SPHKAP: variants seen among roughly 807,000 people sequenced by gnomAD.
The protein encoded by SPHKAP is A-kinase anchor protein SPHKAP.
In SPHKAP, 67 loss-of-function variants were observed where a neutral mutation model predicts 137.5. The ratio of observed to expected loss-of-function variants is 0.49; its 90% CI spans 0.40 to 0.60. SPHKAP has a LOEUF of 0.60. Ranked by LOEUF, SPHKAP falls within the 20% of genes least tolerant of loss-of-function variation. SPHKAP has a pLI of 0.00. For synonymous variants in SPHKAP, 813 were observed against 785.3 expected (o/e 1.04, Z -0.59); for missense variants, 2,097 against 2,069.3 (o/e 1.01, Z -0.26).
At position 228,050,160 on chromosome 2, in the gene SPHKAP, G is replaced by A. The variant is rs569838336; in HGVS notation, c.247-22617C>T. On this transcript the variant is annotated intron_variant, in intron 3 of 11. Coordinates refer to ENST00000392056, the MANE Select transcript of SPHKAP (RefSeq NM_001142644.2). ...ATGAGATACCATCTCACATCAGTCA[G>A]AATAGCTATTATTAAAAGGCCAAAA... Among the ~76,000 whole-genome samples the A allele has an allele frequency of 2.2e-4, 34 of 152,254 alleles. No homozygotes were observed. The South Asian group carries it at 6.8e-3, about 31-fold the overall frequency.
chr2:228,034,017 A>T (rs1435144986), intron 3 of SPHKAP, among the ~76,000 whole-genome samples: 1 of 152,248 alleles, frequency 6.6e-6, no homozygotes, highest in Non-Finnish European at 1.5e-5. Context: ...GAAGGCAAGA[A>T]ATAACTACAA....
chr2:228,161,512 C>A (rs138200719), intron 1 of SPHKAP, among the ~76,000 whole-genome samples: 1 of 152,046 alleles, frequency 6.6e-6, no homozygotes, highest in Non-Finnish European at 1.5e-5. Flanking sequence ...AATGAGAACA[C>A]GTGGACACAG....
chr2:228,103,382 T>C (rs1270833901), intron 3 of SPHKAP, among the ~76,000 whole-genome samples: 3 of 152,318 alleles, frequency 2.0e-5, no homozygotes, highest in African/African-American at 7.2e-5. Flanking sequence ...TTTATTTGTT[T>C]TCTCTAGAGC....
chr2:228,116,213 C>CCTCCTTTG (rs1698706584), intron 2 of SPHKAP, among the ~76,000 whole-genome samples: 2 of 152,098 alleles, frequency 1.3e-5, no homozygotes, highest in African/African-American at 4.8e-5. Flanking sequence ...ACACAAAGGT[C>CCTCCTTTG]CTATGTGTTC....
intron 1 of SPHKAP, among the ~76,000 whole-genome samples, chr2:228,177,735 T>A (rs1272017856): frequency 1.3e-5 from 2 of 152,090 alleles, no homozygotes; most frequent in African/African-American, 4.8e-5. Context: ...TTCTGATGAG[T>A]TTTAGTGAAA....
At chr2:228,115,712 C>T (rs77271817) in intron 2 of SPHKAP, among the ~76,000 whole-genome samples, 2,957 of 152,212 alleles carry the variant, frequency 0.019, 99 homozygotes, top group African/African-American at 0.068. Context: ...CATTGAAGTA[C>T]ACACTTAATT....
intron 3 of SPHKAP, among the ~76,000 whole-genome samples, chr2:228,095,175 C>A (rs1197703628): frequency 6.6e-6 from 1 of 152,028 alleles, no homozygotes; most frequent in Admixed American, 6.6e-5. Context: ...GGACATCTAC[C>A]TTTAGTCATG....
At chr2:228,040,798 A>G (rs913136633) in intron 3 of SPHKAP, among the ~76,000 whole-genome samples, 17 of 152,350 alleles carry the variant, frequency 1.1e-4, no homozygotes, top group Middle Eastern at 3.4e-3. Context: ...ATAAAAATTT[A>G]GTGTTATTGT....
rs1319134114 is a variant in SPHKAP, at chr2:228,181,447, G to C, written c.32+120C>G. Reference sequence around the variant, plus strand: ...CTTATTTACAAGTGCAGTGACCCCTGTCTCCTCGCTGGGAGCCCCGTGCAA... The same window carrying C: ...CTTATTTACAAGTGCAGTGACCCCTCTCTCCTCGCTGGGAGCCCCGTGCAA... On this transcript the variant is annotated intron_variant, in intron 1 of 11. Transcript: ENST00000392056. The surrounding 1 kb of genome is among the most constrained non-coding windows in gnomAD (Gnocchi z 4.3). The C allele has an allele frequency of 7.3e-7, 1 of 1,378,360 alleles. No homozygotes were observed. The highest frequency in any genetic ancestry group is 1.0e-6 in the Non-Finnish European group (1 of 966,560). 85.4% of individuals were successfully genotyped at this position (1,378,360 alleles called of 1,614,324 possible). A position where few individuals can be genotyped will look rare whatever the true frequency, so the allele number is the denominator to read the frequency against.
At chr2:228,103,660 G>A (rs1285801507) in intron 3 of SPHKAP, among the ~76,000 whole-genome samples, 2 of 152,138 alleles carry the variant, frequency 1.3e-5, no homozygotes, top group African/African-American at 2.4e-5. Flanking sequence ...GGGTCCAGCC[G>A]AATACAGGAC....
intron 1 of SPHKAP, among the ~76,000 whole-genome samples, chr2:228,152,824 T>A (rs1699976519): frequency 6.6e-6 from 1 of 151,976 alleles, no homozygotes; most frequent in Admixed American, 6.6e-5. Context: ...AGTACAAGGA[T>A]CTTAGAACAT....
chr2:228,136,063 G>C (rs989765587), intron 1 of SPHKAP, among the ~76,000 whole-genome samples: 1 of 152,172 alleles, frequency 6.6e-6, no homozygotes, highest in Non-Finnish European at 1.5e-5. Flanking sequence ...CTCTAGAGAA[G>C]CAGAACATTT....
chr2:228,009,430 C>G (rs1694278347), intron 7 of SPHKAP, among the ~76,000 whole-genome samples: 2 of 152,042 alleles, frequency 1.3e-5, no homozygotes, highest in African/African-American at 2.4e-5. Flanking sequence ...TCGTGTGTAC[C>G]TTTAAATCTT....
In SPHKAP at chr2:228,152,234, A is replaced by G. The variant is rs543605411; in HGVS notation, c.33-20149T>C. ...CATTAAGTTAAGCTGGTTGTGATAT[A>G]CAAATCTTCAAAGTTCTTTATAAGT... On this transcript the variant is annotated intron_variant, in intron 1 of 11. Coordinates refer to ENST00000392056, the MANE Select transcript of SPHKAP (RefSeq NM_001142644.2). Among the ~76,000 whole-genome samples the G allele has an allele frequency of 3.3e-5, 5 of 152,302 alleles. No homozygotes were observed. The South Asian group carries it at 1.0e-3, about 32-fold the overall frequency.
chr2:228,160,746 A>G (rs1395302334), intron 1 of SPHKAP, among the ~76,000 whole-genome samples: 1 of 152,230 alleles, frequency 6.6e-6, no homozygotes, highest in Non-Finnish European at 1.5e-5. Flanking sequence ...CTTTTTCAAC[A>G]TATTTTAAAC....
intron 1 of SPHKAP, among the ~76,000 whole-genome samples, chr2:228,177,050 T>C (rs1700764944): frequency 6.6e-6 from 1 of 151,994 alleles, no homozygotes; most frequent in South Asian, 2.1e-4. Context: ...TAAAACAAAA[T>C]ATATCCTAAT....
intron 3 of SPHKAP, among the ~76,000 whole-genome samples, chr2:228,062,169 T>G (rs1696665896): frequency 6.6e-6 from 1 of 151,184 alleles, no homozygotes; most frequent in Non-Finnish European, 1.5e-5. Flanking sequence ...TTTTTTTAAT[T>G]TTTCTTTTTT....
intron 3 of SPHKAP, among the ~76,000 whole-genome samples, chr2:228,053,207 C>T (rs551161164): frequency 1.3e-5 from 2 of 152,178 alleles, no homozygotes; most frequent in East Asian, 1.9e-4. Flanking sequence ...AGGGCAATCT[C>T]CCTATAAAAT....
chr2:228,175,286 A>G (rs1700705162), intron 1 of SPHKAP, among the ~76,000 whole-genome samples: 1 of 149,252 alleles, frequency 6.7e-6, no homozygotes, highest in African/African-American at 2.5e-5. Flanking sequence ...AAATGGAATA[A>G]ATGAAGGTTT....
Sources: gnomAD v4.1 joint callset for allele counts (sites outside exome capture counted in the v4.1 genomes callset) on GRCh38, gnomAD v4.1.1 for gene constraint, Gnocchi (gnomAD v3.1) non-coding constraint, MANE v1.5 for transcripts, NCBI Gene and HGNC (gene_info 2026-07-23, HGNC 2026-07-21) for gene names.